The following SLIT3 variants were observed in gnomAD, a reference collection of about 807,000 sequenced individuals.
SLIT3 encodes slit guidance ligand 3.
In SLIT3, 68 loss-of-function variants were observed where a neutral mutation model predicts 184.0. The observed-to-expected ratio is 0.37, with a 90% confidence interval of 0.30 to 0.45. The LOEUF (loss-of-function observed/expected upper bound fraction) is 0.45. SLIT3 is among the 20% of genes least tolerant of loss of function. SLIT3 has a pLI of 1.00. For synonymous variants in SLIT3, 831 were observed against 828.6 expected, an observed-to-expected ratio of 1.00 and a Z score of -0.05; for missense variants, 1,707 against 2,026.0, an observed-to-expected ratio of 0.84 and a Z score of 3.02.
intron 4 of SLIT3, among the ~76,000 whole-genome samples, chr5:168,993,213 G>A (rs1162765138): frequency 1.3e-5 from 2 of 152,216 alleles, no homozygotes; most frequent in African/African-American, 4.8e-5. Context: ...GAGGAATCCC[G>A]AGATGTCAGC....
At chr5:168,915,573 T>C (rs1048741602) in intron 4 of SLIT3, among the ~76,000 whole-genome samples, 8 of 152,226 alleles carry the variant, frequency 5.3e-5, no homozygotes, top group Admixed American at 1.3e-4. Context: ...TATTTAATGT[T>C]TTATTATGCG....
At chr5:169,040,535 A>T (rs1014717596) in intron 4 of SLIT3, among the ~76,000 whole-genome samples, 2 of 152,308 alleles carry the variant, frequency 1.3e-5, no homozygotes, top group South Asian at 4.1e-4. Flanking sequence ...GCCCTTGACA[A>T]CTTAATTTCC....
intron 4 of SLIT3, among the ~76,000 whole-genome samples, chr5:169,133,296 G>T (rs2042153): frequency 6.6e-6 from 1 of 152,166 alleles, no homozygotes; most frequent in African/African-American, 2.4e-5. Context: ...AATGCACTCT[G>T]TGAAGGACAT....
chr5:168,848,543 G>A (rs1042346117), intron 5 of SLIT3, among the ~76,000 whole-genome samples: 3 of 152,104 alleles, frequency 2.0e-5, no homozygotes, highest in African/African-American at 7.2e-5. Flanking sequence ...CTCTGAATAA[G>A]CCAAGAAGCC....
intron 5 of SLIT3, among the ~76,000 whole-genome samples, chr5:168,849,536 A>G (rs1233344753): frequency 6.6e-6 from 1 of 152,246 alleles, no homozygotes; most frequent in African/African-American, 2.4e-5. Flanking sequence ...GTCAACAGTC[A>G]TGAAATCCAA....
intron 4 of SLIT3, among the ~76,000 whole-genome samples, chr5:168,904,489 C>T (rs36128162): frequency 0.011 from 1,619 of 147,642 alleles, 18 homozygotes; most frequent in South Asian, 0.03. Flanking sequence ...TTAGAAATAA[C>T]AATAATAATA....
chr5:168,721,338 G>A (rs1360783150), intron 23 of SLIT3, among the ~76,000 whole-genome samples: 3 of 152,216 alleles, frequency 2.0e-5, no homozygotes, highest in Non-Finnish European at 4.4e-5. Context: ...GCCCTAGCAA[G>A]CTGTGATATA....
At chr5:168,757,983 C>G (rs139386094) in intron 16 of SLIT3, among the ~76,000 whole-genome samples, 1 of 152,340 alleles carries the variant, frequency 6.6e-6, no homozygotes, top group Non-Finnish European at 1.5e-5. Context: ...CAGAGCTGAA[C>G]TCAGAACTCA....
chr5:169,011,696 C>A (rs1205387789), intron 4 of SLIT3, among the ~76,000 whole-genome samples: 2 of 152,152 alleles, frequency 1.3e-5, no homozygotes, highest in Non-Finnish European at 2.9e-5. Context: ...TTATGGACAT[C>A]AGGTCAAAGG....
At chr5:169,251,309 G>A (rs1765766261) in intron 2 of SLIT3, 79 bp downstream of exon 2, 4 of 964,696 alleles carry the variant, frequency 4.1e-6, no homozygotes, top group Non-Finnish European at 5.1e-6. Flanking sequence ...GGAGTGTGAT[G>A]TCAGGGGCAG....
chr5:169,025,219 T>C (rs1480669781), intron 4 of SLIT3, among the ~76,000 whole-genome samples: 1 of 152,144 alleles, frequency 6.6e-6, no homozygotes, highest in Non-Finnish European at 1.5e-5. Context: ...CTTGAATCCA[T>C]CTGGAATTTT....
At chr5:168,906,696 T>C (rs1484130462) in intron 4 of SLIT3, among the ~76,000 whole-genome samples, 1 of 152,196 alleles carries the variant, frequency 6.6e-6, no homozygotes, top group Non-Finnish European at 1.5e-5. Context: ...CAAAAACATG[T>C]ACTTTGTAAC....
At chr5:168,942,857 T>C (rs1404267622) in intron 4 of SLIT3, among the ~76,000 whole-genome samples, 1 of 152,132 alleles carries the variant, frequency 6.6e-6, no homozygotes, top group Admixed American at 6.5e-5. Context: ...TGGCGATTTG[T>C]TTTGAGATTT....
chr5:168,741,357 G>A (rs1324534317), intron 20 of SLIT3, among the ~76,000 whole-genome samples: 4 of 151,806 alleles, frequency 2.6e-5, no homozygotes, highest in Non-Finnish European at 5.9e-5. Flanking sequence ...TGTAGTCCCA[G>A]CTACTCGGGA....
At chr5:168,901,120 T>TG (rs1268043488) in intron 4 of SLIT3, among the ~76,000 whole-genome samples, 4 of 152,160 alleles carry the variant, frequency 2.6e-5, no homozygotes, top group Admixed American at 2.6e-4. Context: ...CCCAGAACTT[T>TG]GGGAGGCCGA....
chr5:168,992,730 A>G (rs564805712), intron 4 of SLIT3, among the ~76,000 whole-genome samples: 1 of 152,210 alleles, frequency 6.6e-6, no homozygotes, highest in Non-Finnish European at 1.5e-5. Flanking sequence ...TCAGGGTTCC[A>G]AGGGACAGAG....
At chr5:168,932,539 TCAGC>T (rs1762024144) in intron 4 of SLIT3, among the ~76,000 whole-genome samples, 1 of 152,108 alleles carries the variant, frequency 6.6e-6, no homozygotes, top group South Asian at 2.1e-4. Flanking sequence ...TGTACTCACC[TCAGC>T]CAGCCAATCA....
chr5:168,671,069 T>C, intron 34 of SLIT3, 129 bp downstream of exon 34: 1 of 1,055,868 alleles, frequency 9.5e-7, no homozygotes, highest in Non-Finnish European at 1.4e-6. Context: ...CAGTTACACT[T>C]ACACAGATCC....
At chr5:169,192,423 C>CTCTG (rs1044234461) in intron 4 of SLIT3, among the ~76,000 whole-genome samples, 4 of 148,172 alleles carry the variant, frequency 2.7e-5, no homozygotes, top group Admixed American at 6.7e-5. Context: ...TATATAGTCT[C>CTCTG]TGTGTGTGTG....
Sources: gnomAD v4.1 joint callset for allele counts (sites outside exome capture counted in the v4.1 genomes callset) on GRCh38, gnomAD v4.1.1 for gene constraint, MANE v1.5 for transcripts, NCBI Gene and HGNC (gene_info 2026-07-23, HGNC 2026-07-21) for gene names.